ELMO1: variants seen among roughly 807,000 people sequenced by gnomAD.
The protein encoded by ELMO1 is engulfment and cell motility 1.
In ELMO1, 26 loss-of-function variants were observed where a neutral mutation model predicts 98.9. The ratio of observed to expected loss-of-function variants is 0.26; its 90% CI spans 0.19 to 0.36. The LOEUF is 0.36. ELMO1 is among the 10% of genes least tolerant of loss of function. ELMO1 has a pLI of 1.00. For synonymous variants in ELMO1, 346 were observed against 346.0 expected, an observed-to-expected ratio of 1.00 and a Z score of 0.00; for missense variants, 627 against 935.2, an observed-to-expected ratio of 0.67 and a Z score of 4.30.
At chr7:37,030,014 C>G (rs1018753215) in intron 15 of ELMO1, among the ~76,000 whole-genome samples, 9 of 152,236 alleles carry the variant, frequency 5.9e-5, no homozygotes, top group Middle Eastern at 3.4e-3. Flanking sequence ...TGGCTATAAT[C>G]CAATCACAGA....
chr7:36,921,089 A>G (rs889444790), intron 16 of ELMO1, among the ~76,000 whole-genome samples: 9 of 152,014 alleles, frequency 5.9e-5, no homozygotes, highest in African/African-American at 1.5e-4. Flanking sequence ...GGCATCATCT[A>G]TGGAGCAGGA....
At chr7:37,420,746 T>C (rs756923389) in intron 1 of ELMO1, among the ~76,000 whole-genome samples, 4 of 152,368 alleles carry the variant, frequency 2.6e-5, no homozygotes, top group South Asian at 2.1e-4. Flanking sequence ...TTCACTCTTA[T>C]TGTATTGTCA....
intron 16 of ELMO1, among the ~76,000 whole-genome samples, chr7:37,006,136 G>A (rs986217008): frequency 6.6e-6 from 1 of 152,118 alleles, no homozygotes; most frequent in Non-Finnish European, 1.5e-5. Flanking sequence ...TGACCACAGT[G>A]GTCAAAATCC....
chr7:37,086,572 ATC>A (rs1191565717), intron 15 of ELMO1, among the ~76,000 whole-genome samples: 2 of 151,488 alleles, frequency 1.3e-5, no homozygotes, highest in Admixed American at 1.3e-4. Flanking sequence ...GTGAAAACCC[ATC>A]TCTACTAAAA....
chr7:36,970,421 C>T (rs1039609690), intron 16 of ELMO1, among the ~76,000 whole-genome samples: 2 of 152,164 alleles, frequency 1.3e-5, no homozygotes, highest in Admixed American at 1.3e-4. Flanking sequence ...GTGGAGTGTG[C>T]TTTTTCTAAA....
chr7:36,953,462 G>A (rs1788164149), intron 16 of ELMO1, among the ~76,000 whole-genome samples: 1 of 152,118 alleles, frequency 6.6e-6, no homozygotes, highest in South Asian at 2.1e-4. Flanking sequence ...GAATAGATAA[G>A]CAATATTTTA....
chr7:37,221,936 G>C (rs1041573858), intron 10 of ELMO1, among the ~76,000 whole-genome samples: 47 of 152,116 alleles, frequency 3.1e-4, no homozygotes, highest in African/African-American at 1.1e-3. Flanking sequence ...GACCTCAAGT[G>C]ATCTGCCTAC....
rs1455240059 is a variant in ELMO1, at chr7:37,292,961, T to C, written c.193-21079A>G. ...CTGGCCAGCCGCCCCGTCCGGGAAG[T>C]GAGGGGCGCCTCTGCCCGGCCGCCC... On this transcript the variant is annotated intron_variant, in intron 4 of 21. Coordinates refer to ENST00000310758, the MANE Select transcript of ELMO1 (RefSeq NM_014800.11). Among the ~76,000 whole-genome samples, 2 of 38,428 alleles carry C rather than the reference T, an allele frequency of 5.2e-5. 1 individual carries two copies. Among genetic ancestry groups the C allele is most frequent in the African/African-American group, 1.6e-4 (2 of 12,882 alleles). 25.2% of individuals were successfully genotyped at this position (38,428 alleles called of 152,430 possible).
chr7:37,117,520 C>A (rs928371465), intron 14 of ELMO1, among the ~76,000 whole-genome samples: 1 of 152,222 alleles, frequency 6.6e-6, no homozygotes, highest in Non-Finnish European at 1.5e-5. Context: ...ATGCTTGAAG[C>A]ATTCCATTCA....
chr7:37,016,564 G>A (rs1025839481), intron 15 of ELMO1, among the ~76,000 whole-genome samples: 1 of 151,998 alleles, frequency 6.6e-6, no homozygotes, highest in African/African-American at 2.4e-5. Flanking sequence ...TAGGTCTCCC[G>A]TACTCCTCCT....
Position 36,896,104 on chromosome 7 carries a change from A to G in ELMO1, c.1438-1087T>C, listed in dbSNP as rs187649734. On this transcript the variant is annotated intron_variant, in intron 16 of 21. Coordinates refer to ENST00000310758, the MANE Select transcript of ELMO1 (RefSeq NM_014800.11). ...CTTCGTGTCATTTGGGAACTTAAAA[A>G]TAAGACAAACCACAGATGCACCCTG... Among the ~76,000 whole-genome samples the G allele has an allele frequency of 5.9e-5, 9 of 152,358 alleles. No individual in the cohort carries two copies. The East Asian group carries it at 1.5e-3, about 26-fold the overall frequency.
At chr7:37,107,039 C>A (rs1784988982) in intron 14 of ELMO1, among the ~76,000 whole-genome samples, 1 of 152,184 alleles carries the variant, frequency 6.6e-6, no homozygotes, top group Non-Finnish European at 1.5e-5. Context: ...TGAATTCTAG[C>A]CCTAGTCCTT....
intron 15 of ELMO1, among the ~76,000 whole-genome samples, chr7:37,029,019 C>T (rs372456049): frequency 6.6e-6 from 1 of 152,026 alleles, no homozygotes; most frequent in East Asian, 1.9e-4. Flanking sequence ...GTCTTATTTC[C>T]ATTTCATAGG....
intron 15 of ELMO1, among the ~76,000 whole-genome samples, chr7:37,055,982 A>T (rs1470787472): frequency 1.3e-5 from 2 of 152,238 alleles, no homozygotes; most frequent in African/African-American, 4.8e-5. Flanking sequence ...GAACCAATTA[A>T]TCACAAGACA....
intron 1 of ELMO1, among the ~76,000 whole-genome samples, chr7:37,435,738 T>C (rs1055866465): frequency 6.6e-6 from 1 of 152,166 alleles, no homozygotes; most frequent in Non-Finnish European, 1.5e-5. Context: ...CCTAAACCAG[T>C]TGACAATAAT....
chr7:37,000,260 C>T (rs890542101), intron 16 of ELMO1, among the ~76,000 whole-genome samples: 1 of 152,210 alleles, frequency 6.6e-6, no homozygotes, highest in African/African-American at 2.4e-5. Context: ...GGCCAGGGAG[C>T]TTTCGGACAG....
chr7:37,123,566 A>T (rs1333753365), intron 14 of ELMO1, among the ~76,000 whole-genome samples: 4 of 152,224 alleles, frequency 2.6e-5, no homozygotes, highest in African/African-American at 9.6e-5. Flanking sequence ...CGACACATAC[A>T]CCCTCCCAAG....
At position 37,448,310 on chromosome 7, in the gene ELMO1, C is replaced by G. The variant is rs377506880; in HGVS notation, c.-74+365G>C. 4.4e-3 allele frequency among the ~76,000 whole-genome samples: 673 copies of G among 151,936 alleles called. 6 individuals are homozygous for G. The highest frequency in any genetic ancestry group is 0.036 in the South Asian group (174 of 4,786). On this transcript the variant is annotated intron_variant, in intron 1 of 21. Coordinates refer to ENST00000310758, the MANE Select transcript of ELMO1 (RefSeq NM_014800.11). The stretch of plus-strand genomic sequence containing the variant: ...GCGTCGCAACCCTCCCGCGCCCCCC[C>G]TCCCGCAGACCCTGGTCGAAATGTC...
At chr7:37,401,650 C>T (rs1803536454) in intron 1 of ELMO1, among the ~76,000 whole-genome samples, 1 of 152,176 alleles carries the variant, frequency 6.6e-6, no homozygotes, top group South Asian at 2.1e-4. Flanking sequence ...CAGGCAAAAG[C>T]AGGGGAGAAT....
Sources: gnomAD v4.1 joint callset for allele counts (sites outside exome capture counted in the v4.1 genomes callset) on GRCh38, gnomAD v4.1.1 for gene constraint, MANE v1.5 for transcripts, NCBI Gene and HGNC (gene_info 2026-07-23, HGNC 2026-07-21) for gene names.